Variants in GALNT17 observed in about 807,000 individuals in gnomAD.
The protein encoded by GALNT17 is polypeptide N-acetylgalactosaminyltransferase 17.
In GALNT17, 29 loss-of-function variants were observed where a neutral mutation model predicts 63.7. The ratio of observed to expected loss-of-function variants is 0.46; its 90% confidence interval spans 0.34 to 0.62. The LOEUF (loss-of-function observed/expected upper bound fraction) is 0.62. Ranked by LOEUF, GALNT17 falls within the 20% of genes least tolerant of loss-of-function variation. The pLI is 0.01. For missense variants in GALNT17, 603 were observed against 799.6 expected, an observed-to-expected ratio of 0.75 and a Z score of 2.97; for synonymous variants, 305 against 318.3, an observed-to-expected ratio of 0.96 and a Z score of 0.45.
intron 6 of GALNT17, among the ~76,000 whole-genome samples, chr7:71,657,762 T>C (rs781542274): frequency 2.7e-4 from 41 of 152,242 alleles, no homozygotes; most frequent in Non-Finnish European, 5.1e-4. Flanking sequence ...CCTTTTTACA[T>C]ACACCCAGGT....
At chr7:71,343,955 A>G (rs2116139900) in intron 2 of GALNT17, among the ~76,000 whole-genome samples, 1 of 151,618 alleles carries the variant, frequency 6.6e-6, no homozygotes, top group South Asian at 2.1e-4. Context: ...GGTTTTGTAG[A>G]AATTACTAAA....
At position 71,278,650 on chromosome 7, in the gene GALNT17, A is replaced by C. The variant is rs1348402404; in HGVS notation, c.239-56900A>C. Among the ~76,000 whole-genome samples, 4 of 152,166 alleles carry C rather than the reference A, an allele frequency of 2.6e-5. No individual in the cohort carries two copies. In the South Asian group the frequency reaches 6.2e-4, roughly 24 times the overall value. ...AAACCTACAATCATGGAGGAAGGGG[A>C]AGCAAACACATCCTTCTTCACGTGG... On this transcript the variant is annotated intron_variant, in intron 1 of 10. Coordinates refer to ENST00000333538, the MANE Select transcript of GALNT17 (RefSeq NM_022479.3).
At chr7:71,183,814 C>T (rs1348665911) in intron 1 of GALNT17, among the ~76,000 whole-genome samples, 28 of 152,008 alleles carry the variant, frequency 1.8e-4, no homozygotes, top group Admixed American at 1.3e-3. Context: ...CGCGTGAACC[C>T]GGTAGGCAGA....
chr7:71,133,068 G>A lies in GALNT17; in HGVS notation c.238+28G>A, dbSNP rs376053798. 89 of 1,507,198 alleles carry A rather than the reference G, an allele frequency of 5.9e-5. 1 individual carries two copies. In the African/African-American group the frequency reaches 1.1e-3, roughly 19 times the overall value. The allele number at this position is 1,507,198 out of a possible 1,614,324, so 93.4% of individuals were successfully genotyped here. ...AAGGACGCACGCCGGCGCCTCCGGG[G>A]CTCGACGCGGGCGGGCCGGGCACAG... On this transcript the variant is annotated intron_variant, in intron 1 of 10. Coordinates refer to ENST00000333538, the MANE Select transcript of GALNT17 (RefSeq NM_022479.3).
At chr7:71,477,469 TGAG>T (rs1377583950) in intron 5 of GALNT17, among the ~76,000 whole-genome samples, 1 of 152,184 alleles carries the variant, frequency 6.6e-6, no homozygotes, top group Non-Finnish European at 1.5e-5. Context: ...CTTCAGCAGT[TGAG>T]GAGACGCAAA....
At chr7:71,368,136 C>T (rs1050074081) in intron 2 of GALNT17, among the ~76,000 whole-genome samples, 32 of 152,304 alleles carry the variant, frequency 2.1e-4, no homozygotes, top group South Asian at 1.4e-3. Flanking sequence ...CGTGCACACA[C>T]GCATCTTGGT....
Position 71,306,091 on chromosome 7 carries a change from G to A in GALNT17, c.239-29459G>A, listed in dbSNP as rs909486503. ...TAAAATTAGGCGGGTGTGGTGGTGC[G>A]TGGCTGTAATCCCAGCTACTTGGGA... On this transcript the variant is annotated intron_variant, in intron 1 of 10. Coordinates refer to ENST00000333538, the MANE Select transcript of GALNT17 (RefSeq NM_022479.3). Among the ~76,000 whole-genome samples the A allele has an allele frequency of 3.3e-5, 5 of 151,942 alleles. No homozygotes were observed. The East Asian group carries it at 5.8e-4, about 18-fold the overall frequency.
chr7:71,391,013 A>G (rs1793039408), intron 3 of GALNT17, among the ~76,000 whole-genome samples: 1 of 152,188 alleles, frequency 6.6e-6, no homozygotes, highest in Non-Finnish European at 1.5e-5. Flanking sequence ...GCACCTTGCT[A>G]CTAGCTGTCG....
chr7:71,598,125 G>C (rs1379166701), intron 6 of GALNT17, among the ~76,000 whole-genome samples: 1 of 152,038 alleles, frequency 6.6e-6, no homozygotes, highest in East Asian at 1.9e-4. Context: ...TGTATTTTTA[G>C]TAGAGATGGG....
At chr7:71,701,773 ATG>A (rs1316309878) in intron 9 of GALNT17, among the ~76,000 whole-genome samples, 2 of 116,582 alleles carry the variant, frequency 1.7e-5, no homozygotes, top group African/African-American at 6.6e-5. Flanking sequence ...GTGTATATAT[ATG>A]TGTGTGTGTA....
intron 2 of GALNT17, among the ~76,000 whole-genome samples, chr7:71,387,235 CAAAAAAGTACTTTT>C (rs1275637841): frequency 2.4e-5 from 3 of 123,782 alleles, no homozygotes; most frequent in Non-Finnish European, 3.4e-5. Context: ...CTTTTAATGG[CAAAAAAGTACTTTT>C]AATGGCATTA....
At chr7:71,645,732 T>G (rs1050105268) in intron 6 of GALNT17, among the ~76,000 whole-genome samples, 1 of 152,100 alleles carries the variant, frequency 6.6e-6, no homozygotes, top group Non-Finnish European at 1.5e-5. Flanking sequence ...CTCCTCCACT[T>G]CTAGGATCCT....
At chr7:71,270,534 C>T (rs1790566647) in intron 1 of GALNT17, among the ~76,000 whole-genome samples, 1 of 107,188 alleles carries the variant, frequency 9.3e-6, no homozygotes, top group Non-Finnish European at 2.0e-5. Context: ...CCTCCCCACC[C>T]CACCAAAAAA....
intron 1 of GALNT17, among the ~76,000 whole-genome samples, chr7:71,174,779 T>C (rs1788605546): frequency 6.6e-6 from 1 of 152,208 alleles, no homozygotes; most frequent in Non-Finnish European, 1.5e-5. Flanking sequence ...TAAGGCTATT[T>C]TCACTTTTGT....
chr7:71,179,911 T>A (rs1426974455), intron 1 of GALNT17, among the ~76,000 whole-genome samples: 1 of 152,214 alleles, frequency 6.6e-6, no homozygotes, highest in Non-Finnish European at 1.5e-5. Flanking sequence ...TTTGTTCAAA[T>A]TTGATAATTG....
chr7:71,547,332 T>G (rs1789002867), intron 5 of GALNT17, among the ~76,000 whole-genome samples: 1 of 152,016 alleles, frequency 6.6e-6, no homozygotes, highest in African/African-American at 2.4e-5. Flanking sequence ...ACCTGGCTAA[T>G]TTTTGTATTT....
At chr7:71,649,504 G>A (rs1050775802) in intron 6 of GALNT17, among the ~76,000 whole-genome samples, 6 of 152,072 alleles carry the variant, frequency 3.9e-5, no homozygotes, top group Non-Finnish European at 4.4e-5. Flanking sequence ...AGAAGCAAGA[G>A]GATGAAGTCC....
At chr7:71,321,910 C>CCCTTCTTCCTTT (rs1791618286) in intron 1 of GALNT17, among the ~76,000 whole-genome samples, 1 of 94,884 alleles carries the variant, frequency 1.1e-5, no homozygotes, top group Non-Finnish European at 2.3e-5. Context: ...TTCCTTCCTT[C>CCCTTCTTCCTTT]CTTCCTTCCT....
At chr7:71,314,396 ATG>A (rs1339931194) in intron 1 of GALNT17, among the ~76,000 whole-genome samples, 5 of 152,102 alleles carry the variant, frequency 3.3e-5, no homozygotes, top group African/African-American at 7.2e-5. Context: ...TTTTAGATAA[ATG>A]AGAGAGAAAG....
Sources: allele counts gnomAD v4.1 joint callset (sites outside exome capture counted in the v4.1 genomes callset), GRCh38; gene constraint gnomAD v4.1.1; transcripts MANE v1.5; gene names NCBI Gene and HGNC (gene_info 2026-07-23, HGNC 2026-07-21).